The following CDKAL1 variants were observed in gnomAD, a reference collection of about 807,000 sequenced individuals.
CDKAL1 encodes threonylcarbamoyladenosine tRNA methylthiotransferase.
In CDKAL1, 32 loss-of-function variants were observed where a neutral mutation model predicts 68.2. The ratio of observed to expected loss-of-function variants is 0.47; its 90% CI spans 0.35 to 0.63. The LOEUF (loss-of-function observed/expected upper bound fraction) is 0.63, where lower values mean the gene tolerates loss of function less well. CDKAL1 is among the 30% of genes least tolerant of loss of function. The pLI, the probability that CDKAL1 is intolerant of heterozygous loss-of-function variation, is 0.00. For synonymous variants in CDKAL1, 234 were observed against 244.3 expected (o/e 0.96, Z 0.39); for missense variants, 606 against 696.7 (o/e 0.87, Z 1.47).
intron 5 of CDKAL1, among the ~76,000 whole-genome samples, chr6:20,726,329 T>A (rs745610836): frequency 4.6e-5 from 7 of 152,164 alleles, no homozygotes; most frequent in Non-Finnish European, 8.8e-5. Context: ...TATCCTACTT[T>A]TCTGCACCAA....
chr6:20,726,247 A>G (rs1562057032), intron 5 of CDKAL1, among the ~76,000 whole-genome samples: 1 of 151,994 alleles, frequency 6.6e-6, no homozygotes, highest in South Asian at 2.1e-4. Flanking sequence ...AACTCTTTTG[A>G]CCAATTGCCA....
chr6:20,701,492 G>C (rs540999196), intron 5 of CDKAL1, among the ~76,000 whole-genome samples: 3 of 152,238 alleles, frequency 2.0e-5, no homozygotes, highest in African/African-American at 7.2e-5. Flanking sequence ...GTAGATACAT[G>C]AGTTAATGAC....
chr6:21,043,017 G>C (rs1216423499), intron 11 of CDKAL1, among the ~76,000 whole-genome samples: 1 of 152,112 alleles, frequency 6.6e-6, no homozygotes, highest in Non-Finnish European at 1.5e-5. Flanking sequence ...TTCATATATG[G>C]AAAGCACTTG....
intron 4 of CDKAL1, among the ~76,000 whole-genome samples, chr6:20,566,752 C>T (rs1259560952): frequency 6.6e-6 from 1 of 152,096 alleles, no homozygotes; most frequent in Admixed American, 6.6e-5. Flanking sequence ...GAGGGTTATG[C>T]ATCTAAAGAT....
At chr6:20,860,174 T>C (rs1759539483) in intron 9 of CDKAL1, among the ~76,000 whole-genome samples, 1 of 152,004 alleles carries the variant, frequency 6.6e-6, no homozygotes, top group Non-Finnish European at 1.5e-5. Flanking sequence ...GCCTCCCGGG[T>C]TCAAGCTATT....
chr6:20,981,928 C>T (rs575744834), intron 10 of CDKAL1, among the ~76,000 whole-genome samples: 1 of 152,300 alleles, frequency 6.6e-6, no homozygotes, highest in South Asian at 2.1e-4. Flanking sequence ...TTAGACTCAT[C>T]TTTGAAATAT....
intron 5 of CDKAL1, among the ~76,000 whole-genome samples, chr6:20,668,079 CT>C (rs1450853864): frequency 6.6e-6 from 1 of 151,946 alleles, no homozygotes; most frequent in Non-Finnish European, 1.5e-5. Context: ...TTCCCTCCCC[CT>C]CTCTTTCTTC....
Position 20,844,796 on chromosome 6 carries a change from G to A in CDKAL1, c.639-1279G>A, listed in dbSNP as rs180832153. On this transcript the variant is annotated intron_variant, in intron 8 of 15. Coordinates refer to ENST00000274695, the MANE Select transcript of CDKAL1 (RefSeq NM_017774.3). ...AATTGAGTTACTCTACCAAGGAAACGACAATAGAATGGTTTTCCCTTTCCC... is the reference window on the plus strand; with the variant it reads ...AATTGAGTTACTCTACCAAGGAAACAACAATAGAATGGTTTTCCCTTTCCC... 2.1e-4 allele frequency among the ~76,000 whole-genome samples: 32 copies of A among 152,166 alleles called. No individual in the cohort carries two copies. In the East Asian group the frequency reaches 5.2e-3, roughly 25 times the overall value.
rs549314964 is a variant in CDKAL1 at position 21,128,696 on chromosome 6, A to T, written c.1299+20233A>T. 1.1e-4 allele frequency among the ~76,000 whole-genome samples: 16 copies of T among 152,340 alleles called. No individual in the cohort carries two copies. In the East Asian group the frequency reaches 3.1e-3, roughly 29 times the overall value. On this transcript the variant is annotated intron_variant, in intron 13 of 15. Transcript: ENST00000274695. ...GAGTCACTGCCACAATTAAGAATAA[A>T]AGCTTGGGTTTCTGGGAAGCAAAGG...
At chr6:20,774,707 G>A (rs1775099975) in intron 7 of CDKAL1, among the ~76,000 whole-genome samples, 1 of 152,156 alleles carries the variant, frequency 6.6e-6, no homozygotes. Context: ...TCAGAAATGT[G>A]CACACAGCAG....
At chr6:21,201,086 G>A (rs1181852735) in intron 14 of CDKAL1, 24 bp from the exon 15 acceptor site, 1 of 1,576,220 alleles carries the variant, frequency 6.3e-7, no homozygotes, top group African/African-American at 1.4e-5. Context: ...TAAAAATTAA[G>A]CCTCTGAAAC....
rs1313187560 is a variant in CDKAL1 at position 20,781,178 on chromosome 6, A to G, written c.551A>G (p.Asp184Gly). ...GTGAGACTGCTGGGTCAGAAAAAGG[A>G]TAATGGAAGGCGGCTTGGGGGAGCA... Reference protein sequence around the residue: ...HSVRLLGQKKDNGRRLGGARL... With the variant: ...HSVRLLGQKKGNGRRLGGARL... Residue 184 changes from aspartate to glycine, a missense_variant, in exon 8 of 16, where the codon GAT (aspartate) becomes GGT (glycine). Physicochemically the swap from Asp to Gly is moderately conservative, Grantham distance 94 (BLOSUM62 -1). Coordinates refer to ENST00000274695, the MANE Select transcript of CDKAL1 (RefSeq NM_017774.3). The G allele has an allele frequency of 6.2e-7, 1 of 1,614,026 alleles. No individual in the cohort carries two copies. Among genetic ancestry groups the G allele is most frequent in the South Asian group, 1.1e-5 (1 of 91,062 alleles).
intron 5 of CDKAL1, among the ~76,000 whole-genome samples, chr6:20,700,860 G>A (rs770409336): frequency 1.2e-4 from 18 of 150,566 alleles, no homozygotes; most frequent in African/African-American, 3.2e-4. Flanking sequence ...GGTATACAGT[G>A]GTTATAGCTG....
rs141791664 is a variant in CDKAL1 at position 20,770,132 on chromosome 6, A to G, written c.518-11013A>G. 4.6e-4 allele frequency among the ~76,000 whole-genome samples: 70 copies of G among 152,176 alleles called. No individual in the cohort carries two copies. In the East Asian group the frequency reaches 0.013, roughly 29 times the overall value. ...CTGTTTTATTTTGTGCCAACATAAA[A>G]CATTCTTTTGTAAGGAGTTAATAAA... On this transcript the variant is annotated intron_variant, in intron 7 of 15. Coordinates refer to ENST00000274695, the MANE Select transcript of CDKAL1 (RefSeq NM_017774.3).
intron 11 of CDKAL1, among the ~76,000 whole-genome samples, chr6:21,033,043 G>T (rs1177652301): frequency 3.9e-5 from 6 of 152,186 alleles, no homozygotes; most frequent in Non-Finnish European, 7.3e-5. Context: ...AACATCTACT[G>T]TAGAGACCAA....
At chr6:20,769,269 T>TTC (rs1774833688) in intron 7 of CDKAL1, among the ~76,000 whole-genome samples, 4 of 149,168 alleles carry the variant, frequency 2.7e-5, no homozygotes, top group Admixed American at 2.0e-4. Context: ...TTTTTTTTTT[T>TTC]TTTTTTCAAG....
chr6:20,667,702 TG>T (rs61273977), intron 5 of CDKAL1, among the ~76,000 whole-genome samples: 30,372 of 152,024 alleles, frequency 0.2, 3,989 homozygotes, highest in African/African-American at 0.37. Flanking sequence ...ATAAGGTGGC[TG>T]CCTGGGTTTT....
chr6:20,780,712 C>A (rs1229494480), intron 7 of CDKAL1, among the ~76,000 whole-genome samples: 2 of 136,724 alleles, frequency 1.5e-5, no homozygotes, highest in African/African-American at 5.7e-5. Context: ...CTCACTCTGT[C>A]ACCTAGGCTG....
chr6:20,548,501 G>T, intron 3 of CDKAL1, 92 bp from the exon 4 acceptor site: 1 of 696,016 alleles, frequency 1.4e-6, no homozygotes. Flanking sequence ...CAGCTGCACT[G>T]CAGCCTGGGC....
Sources: allele counts gnomAD v4.1 joint callset (sites outside exome capture counted in the v4.1 genomes callset), GRCh38; gene constraint gnomAD v4.1.1; transcripts MANE v1.5; gene names NCBI Gene and HGNC (gene_info 2026-07-23, HGNC 2026-07-21).